Variants in ST18 observed in about 807,000 individuals in gnomAD.
ST18 encodes suppression of tumorigenicity 18 protein.
Under a neutral mutation model 110.0 loss-of-function variants are expected in ST18, and 50 were observed. The ratio of observed to expected loss-of-function variants is 0.45; its 90% CI spans 0.36 to 0.58. The LOEUF is 0.58. Ranked by LOEUF, ST18 falls within the 20% of genes least tolerant of loss-of-function variation. ST18 has a pLI of 0.00. For missense variants in ST18, 1,306 were observed against 1,280.1 expected (o/e 1.02, Z -0.31); for synonymous variants, 461 against 452.4 (o/e 1.02, Z -0.24).
At chr8:52,343,117 T>C (rs1815927582) in intron 2 of ST18, among the ~76,000 whole-genome samples, 1 of 152,052 alleles carries the variant, frequency 6.6e-6, no homozygotes, top group South Asian at 2.1e-4. Context: ...AAGAGGTGCC[T>C]ATCATAAACA....
At chr8:52,192,419 C>T (rs2074833319) in intron 8 of ST18, among the ~76,000 whole-genome samples, 2 of 152,196 alleles carry the variant, frequency 1.3e-5, no homozygotes, top group Non-Finnish European at 2.9e-5. Flanking sequence ...CCTCATGCAT[C>T]TCCCTGGACC....
At position 52,278,162 on chromosome 8, in the gene ST18, C is replaced by T. The variant is rs546931600; in HGVS notation, c.-464-48085G>A. Among the ~76,000 whole-genome samples the T allele has an allele frequency of 3.9e-5, 6 of 152,264 alleles. No individual in the cohort carries two copies. In the South Asian group the frequency reaches 6.2e-4, roughly 16 times the overall value. ...TGGATGCTGTGGATTTTAATCTAAA[C>T]GTTGACAGCATCCTCGTAACAGATT... On this transcript the variant is annotated intron_variant, in intron 2 of 25. Coordinates refer to ENST00000689386, the MANE Select transcript of ST18 (RefSeq NM_001352837.2).
intron 2 of ST18, among the ~76,000 whole-genome samples, chr8:52,355,754 C>T (rs1364015913): frequency 6.6e-6 from 1 of 152,200 alleles, no homozygotes; most frequent in African/African-American, 2.4e-5. Context: ...GCAGCCCACA[C>T]TGCTGGTTCA....
rs748044326 is a variant in ST18, at chr8:52,132,075, T to C, written c.2549A>G (p.Asn850Ser). ...GGAGAGGGAGGCTCCATTGAGAGGA[T>C]TCTCCTTCTGTCTCTTGGCAGCCAG... ...CPLAAKRQKE[N>S]PLNGASLSWK... Residue 850 changes from asparagine to serine, a missense_variant, in exon 22 of 26, where the codon AAT becomes AGT. Physicochemically the swap from Asn to Ser is conservative, Grantham distance 46. Coordinates refer to ENST00000689386, the MANE Select transcript of ST18 (RefSeq NM_001352837.2). 6.2e-7 allele frequency: 1 copy of C among 1,614,212 alleles called. No homozygotes were observed. The highest frequency in any genetic ancestry group is 1.7e-5 in the Admixed American group (1 of 60,030).
At chr8:52,334,025 C>G (rs1381039375) in intron 2 of ST18, among the ~76,000 whole-genome samples, 1 of 152,174 alleles carries the variant, frequency 6.6e-6, no homozygotes, top group Non-Finnish European at 1.5e-5. Flanking sequence ...GCAGGAGAGG[C>G]CCTTTGCTCT....
intron 2 of ST18, among the ~76,000 whole-genome samples, chr8:52,308,373 CTG>C (rs972021553): frequency 2.6e-5 from 4 of 152,314 alleles, no homozygotes; most frequent in African/African-American, 9.6e-5. Context: ...CAAAATAACT[CTG>C]TGAATTTGGC....
chr8:52,354,236 C>T (rs1821685991), intron 2 of ST18, among the ~76,000 whole-genome samples: 1 of 152,156 alleles, frequency 6.6e-6, no homozygotes. Flanking sequence ...TTTAGTTTTA[C>T]AAGAATCACA....
intron 22 of ST18, among the ~76,000 whole-genome samples, chr8:52,127,220 TAA>T (rs375966693): frequency 8.7e-4 from 133 of 152,318 alleles, no homozygotes; most frequent in African/African-American, 3.1e-3. Context: ...TATTCTACAC[TAA>T]GAGTCTATGA....
intron 2 of ST18, among the ~76,000 whole-genome samples, chr8:52,253,906 T>G (rs2094434004): frequency 6.6e-6 from 1 of 152,156 alleles, no homozygotes; most frequent in Non-Finnish European, 1.5e-5. Flanking sequence ...GACATTTTAT[T>G]CTGAAATTCT....
chr8:52,388,291 C>A (rs1337298624), intron 2 of ST18, among the ~76,000 whole-genome samples: 2 of 151,956 alleles, frequency 1.3e-5, no homozygotes, highest in African/African-American at 4.8e-5. Flanking sequence ...TGAATTCCTA[C>A]GGGCTCTCAG....
At chr8:52,373,766 T>C (rs557285117) in intron 2 of ST18, among the ~76,000 whole-genome samples, 4 of 152,264 alleles carry the variant, frequency 2.6e-5, no homozygotes, top group African/African-American at 9.6e-5. Flanking sequence ...CTGTTGCCTC[T>C]CCCTCGCTAT....
intron 8 of ST18, among the ~76,000 whole-genome samples, chr8:52,195,904 A>G (rs896348005): frequency 6.6e-6 from 1 of 152,204 alleles, no homozygotes; most frequent in African/African-American, 2.4e-5. Flanking sequence ...CAAGTATTGT[A>G]CTTTATTTGT....
intron 15 of ST18, among the ~76,000 whole-genome samples, chr8:52,158,407 T>G (rs888626753): frequency 2.2e-4 from 34 of 152,226 alleles, no homozygotes; most frequent in African/African-American, 8.0e-4. Context: ...CAACTTAGAC[T>G]ATCTTATGTT....
intron 2 of ST18, among the ~76,000 whole-genome samples, chr8:52,303,381 C>T (rs1191709942): frequency 1.3e-5 from 2 of 152,212 alleles, no homozygotes; most frequent in Non-Finnish European, 2.9e-5. Flanking sequence ...TGAAAGAACA[C>T]CAGTTATTGG....
Position 52,169,059 on chromosome 8 carries a change from A to T in ST18, c.1070-2073T>A, listed in dbSNP as rs539855672. ...ACTGTTTGTCTGCAGGAAGCCCGAGAGGGTGCTAGAGATAAGGCAGCCTGG... is the reference window on the plus strand; with the variant it reads ...ACTGTTTGTCTGCAGGAAGCCCGAGTGGGTGCTAGAGATAAGGCAGCCTGG... On this transcript the variant is annotated intron_variant, in intron 10 of 25. Transcript: ENST00000689386. Among the ~76,000 whole-genome samples, 7 of 152,240 alleles carry T rather than the reference A, an allele frequency of 4.6e-5. No individual in the cohort carries two copies. In the South Asian group the frequency reaches 1.5e-3, roughly 32 times the overall value.
intron 22 of ST18, among the ~76,000 whole-genome samples, chr8:52,130,198 T>G (rs1456268933): frequency 1.3e-4 from 19 of 151,208 alleles, no homozygotes; most frequent in Non-Finnish European, 5.9e-5. Flanking sequence ...GGCATTAATA[T>G]TGCAGCCTAT....
chr8:52,127,243 A>C (rs1243971390), intron 22 of ST18, among the ~76,000 whole-genome samples: 1 of 152,228 alleles, frequency 6.6e-6, no homozygotes, highest in African/African-American at 2.4e-5. Context: ...AATATAGAAA[A>C]TAATAGACAT....
chr8:52,129,451 CAAAA>C (rs34059224), intron 22 of ST18, among the ~76,000 whole-genome samples: 7 of 72,244 alleles, frequency 9.7e-5, no homozygotes, highest in Admixed American at 1.7e-4. Flanking sequence ...GAGACTCCAT[CAAAA>C]AAAAAAAAAA....
rs1176256694 is a variant in ST18, at chr8:52,112,599, C to A, written c.*599G>T. 6.6e-6 allele frequency: 1 copy of A among 152,520 alleles called. No homozygotes were observed. The highest frequency in any genetic ancestry group is 1.5e-5 in the Non-Finnish European group (1 of 68,034). 9.4% of individuals were successfully genotyped at this position (152,520 alleles called of 1,614,324 possible). A position where few individuals can be genotyped will look rare whatever the true frequency, so the allele number is the denominator to read the frequency against. The stretch of plus-strand genomic sequence containing the variant: ...GTGGGCGCCATTTGTCTTCTTATTC[C>A]TTCCGTGCAGCTCACCTTACCGCAA... On this transcript the variant is annotated 3_prime_UTR_variant, in exon 26 of 26. Transcript: ENST00000689386.
Sources: allele counts gnomAD v4.1 joint callset (sites outside exome capture counted in the v4.1 genomes callset), GRCh38; gene constraint gnomAD v4.1.1; transcripts MANE v1.5; gene names NCBI Gene and HGNC (gene_info 2026-07-23, HGNC 2026-07-21).